The following PADI6 variants were observed in gnomAD, a reference collection of about 807,000 sequenced individuals.
PADI6 encodes the protein peptidyl arginine deiminase 6.
A neutral mutation model predicts 78.2 loss-of-function variants in PADI6; 66 were observed. The ratio of observed to expected loss-of-function variants is 0.84; its 90% CI spans 0.69 to 1.04. The LOEUF is 1.04. Ranked by LOEUF, PADI6 falls within the 50% of genes least tolerant of loss-of-function variation. PADI6 has a pLI of 0.00. For synonymous variants in PADI6, 397 were observed against 346.9 expected (o/e 1.14, Z -1.60); for missense variants, 854 against 866.1 (o/e 0.99, Z 0.18).
Position 17,379,304 on chromosome 1 carries a change from C to T in PADI6, c.368-616C>T, listed in dbSNP as rs548901423. On this transcript the variant is annotated intron_variant, in intron 3 of 15. Transcript: ENST00000619609. ...AATTTTTTTGTATTTTTAGTAGAGA[C>T]GGGGTTTCACCGTGTTAGCCAGGAT... 6.5e-4 allele frequency among the ~76,000 whole-genome samples: 96 copies of T among 147,484 alleles called. 3 individuals are homozygous for T. Among genetic ancestry groups the T allele is most frequent in the Middle Eastern group, 3.5e-3 (1 of 288 alleles).
intron 2 of PADI6, among the ~76,000 whole-genome samples, chr1:17,373,539 T>G (rs1200705045): frequency 6.6e-6 from 1 of 151,936 alleles, no homozygotes; most frequent in Non-Finnish European, 1.5e-5. Flanking sequence ...TTGCCCAGAC[T>G]GGGGTGCAAT....
intron 8 of PADI6, among the ~76,000 whole-genome samples, chr1:17,391,602 T>C (rs936339908): frequency 1.1e-4 from 17 of 152,234 alleles, no homozygotes; most frequent in Admixed American, 4.6e-4. Context: ...GTGAGCCTGA[T>C]GCTGTGCACA....
At chr1:17,379,187 A>G (rs71644049) in intron 3 of PADI6, among the ~76,000 whole-genome samples, 2,031 of 132,906 alleles carry the variant, frequency 0.015, 33 homozygotes, top group Middle Eastern at 0.04. Flanking sequence ...ATCTCGGCTC[A>G]CTGCAGGCTC....
chr1:17,401,564 T>A lies in PADI6; in HGVS notation c.*126T>A, dbSNP rs1441043099. 6.6e-6 allele frequency: 6 copies of A among 913,676 alleles called. No homozygotes were observed. The allele number at this position is 913,676 out of a possible 1,614,324, so 56.6% of individuals were successfully genotyped here. On this transcript the variant is annotated 3_prime_UTR_variant, in exon 16 of 16. Transcript: ENST00000619609. ...AGGCAACAGAACCCTTTCTTCCCTG[T>A]CTGCCCCGACCGACCCTCGGACCCA...
chr1:17,379,039 A>G (rs1379582111), intron 3 of PADI6, among the ~76,000 whole-genome samples: 1 of 151,208 alleles, frequency 6.6e-6, no homozygotes, highest in Non-Finnish European at 1.5e-5. Context: ...CCACCTTCCC[A>G]GCTCAAGTGA....
chr1:17,401,208 C>G lies in PADI6; in HGVS notation c.1855C>G (p.Arg619Gly). The G allele has an allele frequency of 6.2e-7, 1 of 1,613,754 alleles. No homozygotes were observed. The highest frequency in any genetic ancestry group is 2.2e-5 in the East Asian group (1 of 44,884). Reference sequence around the variant, plus strand: ...ACCCACCCTGTCTTTCTAACAGTTGCGGATGATTGTGATGGGCAAGAACCT... The same window carrying G: ...ACCCACCCTGTCTTTCTAACAGTTGGGGATGATTGTGATGGGCAAGAACCT... The part of the protein sequence containing the change: ...FARPYFPDLL[R>G]MIVMGKNLGI... The change falls in exon 16 of 16, where the codon CGG (arginine) becomes GGG (glycine). Residue 619 changes from arginine to glycine, a missense_variant. By Grantham distance (125) the Arg-to-Gly change is moderately radical. Transcript: ENST00000619609.
Position 17,373,271 on chromosome 1 carries a change from G to A in PADI6, c.294+38G>A, listed in dbSNP as rs758831764. The A allele has an allele frequency of 1.8e-5, 29 of 1,604,868 alleles. No individual in the cohort carries two copies. The East Asian group carries it at 5.1e-4, about 28-fold the overall frequency. On this transcript the variant is annotated intron_variant, in intron 2 of 15. Coordinates refer to ENST00000619609, the MANE Select transcript of PADI6 (RefSeq NM_207421.4). The stretch of plus-strand genomic sequence containing the variant: ...GGAAGAGGTGAGGGGCATCTCCCGG[G>A]GTGGGACCTAGCACAGCCACTGGGG...
At chr1:17,399,575 A>G (rs542390297) in intron 15 of PADI6, among the ~76,000 whole-genome samples, 1 of 152,048 alleles carries the variant, frequency 6.6e-6, no homozygotes, top group Admixed American at 6.6e-5. Flanking sequence ...AGCCTGGGCA[A>G]CAAGACTGAA....
In PADI6 at chr1:17,384,184, G is replaced by GATTT. The variant is rs1279364381; in HGVS notation, c.679+2092_679+2093insATTT. 2.0e-4 allele frequency among the ~76,000 whole-genome samples: 30 copies of GATTT among 152,206 alleles called. No individual in the cohort carries two copies. The South Asian group carries it at 5.2e-3, about 26-fold the overall frequency. On this transcript the variant is annotated intron_variant, in intron 6 of 15. Transcript: ENST00000619609. ...AAATCAGGGTAGGGCAACACAGCAT[G>GATTT]TTATGTTTTAACAAGCCTTCCAGGT... is the stretch of plus-strand genomic sequence containing the variant.
At chr1:17,385,427 G>A (rs2075110400) in intron 6 of PADI6, among the ~76,000 whole-genome samples, 3 of 152,166 alleles carry the variant, frequency 2.0e-5, no homozygotes, top group Non-Finnish European at 4.4e-5. Context: ...TCAAAGGGAA[G>A]TGTGAGGATG....
intron 3 of PADI6, 22 bp from the exon 4 acceptor site, chr1:17,379,898 A>G (rs1414556680): frequency 6.2e-7 from 1 of 1,611,370 alleles, no homozygotes; most frequent in South Asian, 1.1e-5. Context: ...GGTGGCTGGG[A>G]CACCCTTTTC....
At position 17,372,318 on chromosome 1, in the gene PADI6, G is replaced by T; in HGVS notation, c.73G>T (p.Ala25Ser). 6.2e-7 allele frequency: 1 copy of T among 1,613,988 alleles called. No homozygotes were observed. The change falls in exon 1 of 16, where the codon GCC (alanine) becomes TCC (serine). Residue 25 changes from alanine (A) to serine (S), a missense_variant. Ala to Ser is a moderately conservative substitution (Grantham distance 99, BLOSUM62 1). Transcript: ENST00000619609. ...CCTGTCCCTGGACAGCCCTGTCCAT[G>T]CCGTTTGTGTGTTGGGCACAGAAAT... ...IHLSLDSPVH[A>S]VCVLGTEICL... is the part of the protein sequence containing the mutation.
chr1:17,380,671 A>G (rs1036684073), intron 4 of PADI6, among the ~76,000 whole-genome samples: 1 of 127,314 alleles, frequency 7.9e-6, no homozygotes, highest in Non-Finnish European at 1.6e-5. Flanking sequence ...CTAGCTCACT[A>G]AAAAAAAAAC....
intron 4 of PADI6, 55 bp downstream of exon 4, chr1:17,380,042 C>T: frequency 6.4e-7 from 1 of 1,554,154 alleles, no homozygotes; most frequent in East Asian, 2.2e-5. Context: ...CAAATCTGCC[C>T]ACAGGCTCAC....
intron 6 of PADI6, among the ~76,000 whole-genome samples, chr1:17,386,366 A>C (rs754482172): frequency 1.3e-5 from 2 of 152,232 alleles, no homozygotes; most frequent in Non-Finnish European, 2.9e-5. Flanking sequence ...AGAGCCAGCC[A>C]GTAGGGGATT....
chr1:17,377,369 T>C (rs554815034), intron 3 of PADI6, among the ~76,000 whole-genome samples: 12 of 152,282 alleles, frequency 7.9e-5, no homozygotes, highest in African/African-American at 2.9e-4. Flanking sequence ...CAGAACCCTT[T>C]GGAGCTCAGA....
chr1:17,393,498 T>C (rs558676926), intron 9 of PADI6, among the ~76,000 whole-genome samples: 3 of 152,304 alleles, frequency 2.0e-5, no homozygotes, highest in Admixed American at 6.5e-5. Context: ...ATGGATTCTT[T>C]ACGAAAGAAG....
chr1:17,381,000 G>GA (rs1213773616), intron 4 of PADI6, 47 bp from the exon 5 acceptor site: 1 of 1,491,744 alleles, frequency 6.7e-7, no homozygotes, highest in Non-Finnish European at 9.1e-7. Flanking sequence ...AGAAACAGAA[G>GA]ATTTATTTGG....
At chr1:17,384,008 G>A (rs1182552615) in intron 6 of PADI6, among the ~76,000 whole-genome samples, 2 of 151,782 alleles carry the variant, frequency 1.3e-5, no homozygotes, top group African/African-American at 4.8e-5. Context: ...AAGCTAGCTG[G>A]GCTTTGTGGC....
Sources: gnomAD v4.1 joint callset for allele counts (sites outside exome capture counted in the v4.1 genomes callset) on GRCh38, gnomAD v4.1.1 for gene constraint, MANE v1.5 for transcripts, NCBI Gene and HGNC (gene_info 2026-07-23, HGNC 2026-07-21) for gene names.